Variants in TBL1XR1 observed in about 807,000 individuals in gnomAD.
TBL1XR1 encodes TBL1X/Y related 1.
A neutral mutation model predicts 66.9 loss-of-function variants in TBL1XR1; 5 were observed. The observed-to-expected ratio is 0.07, with a 90% CI of 0.04 to 0.16. The LOEUF is 0.16. Among genes scored for constraint, TBL1XR1 ranks in the 10% least tolerant of loss-of-function variants. TBL1XR1 has a pLI of 1.00. For missense variants in TBL1XR1, 238 were observed against 623.2 expected (o/e 0.38, Z 6.58); for synonymous variants, 210 against 206.0 (o/e 1.02, Z -0.17).
At chr3:177,057,629 T>G (rs1056501099) in intron 3 of TBL1XR1, among the ~76,000 whole-genome samples, 1 of 152,168 alleles carries the variant, frequency 6.6e-6, no homozygotes, top group African/African-American at 2.4e-5. Flanking sequence ...AATATATATA[T>G]GCAGAAAAAG....
At chr3:177,184,338 A>G (rs190911404) in intron 1 of TBL1XR1, among the ~76,000 whole-genome samples, 8 of 152,326 alleles carry the variant, frequency 5.3e-5, no homozygotes, top group East Asian at 1.9e-4. Flanking sequence ...GCCAAATACT[A>G]TAATTATTAA....
chr3:177,074,123 G>T (rs994234922), intron 2 of TBL1XR1, among the ~76,000 whole-genome samples: 1 of 152,168 alleles, frequency 6.6e-6, no homozygotes, highest in African/African-American at 2.4e-5. Flanking sequence ...CAAAAAATCT[G>T]AAATTCTTTA....
chr3:177,031,066 C>T (rs953067483), intron 14 of TBL1XR1, among the ~76,000 whole-genome samples: 5 of 152,098 alleles, frequency 3.3e-5, no homozygotes, highest in South Asian at 4.1e-4. Flanking sequence ...TAGCCGAGAT[C>T]GTGCCATCGC....
intron 2 of TBL1XR1, among the ~76,000 whole-genome samples, chr3:177,095,474 C>T (rs937676593): frequency 4.0e-5 from 6 of 149,898 alleles, no homozygotes; most frequent in African/African-American, 1.5e-4. Flanking sequence ...AGCTATAAAT[C>T]ATGATTAAAG....
chr3:177,072,729 A>ATAGT (rs1257488489), intron 2 of TBL1XR1, among the ~76,000 whole-genome samples: 8 of 152,208 alleles, frequency 5.3e-5, no homozygotes, highest in Non-Finnish European at 1.2e-4. Flanking sequence ...AAATGACAAT[A>ATAGT]TAGTTATTCA....
At chr3:177,111,815 T>C (rs1382655270) in intron 1 of TBL1XR1, among the ~76,000 whole-genome samples, 3 of 151,888 alleles carry the variant, frequency 2.0e-5, no homozygotes, top group East Asian at 2.0e-4. Flanking sequence ...AGGTCATTTA[T>C]TCACAGAAAG....
intron 14 of TBL1XR1, among the ~76,000 whole-genome samples, chr3:177,030,190 T>C (rs1576970010): frequency 1.3e-5 from 2 of 151,876 alleles, no homozygotes; most frequent in South Asian, 2.1e-4. Flanking sequence ...CTTTCATTCA[T>C]GTGCACAAGA....
chr3:177,071,029 C>CTTTTTTTTTTTT (rs1553825595), intron 2 of TBL1XR1, among the ~76,000 whole-genome samples: 23 of 82,946 alleles, frequency 2.8e-4, no homozygotes, highest in East Asian at 1.4e-3. Flanking sequence ...TTCTGAGAAT[C>CTTTTTTTTTTTT]TGTTTTTTTT....
At chr3:177,026,552 C>T in intron 14 of TBL1XR1, 78 bp from the exon 15 acceptor site, 11 of 1,043,054 alleles carry the variant, frequency 1.1e-5, no homozygotes, top group Non-Finnish European at 1.3e-5. Flanking sequence ...AAAAATATTA[C>T]ATAGCTTTAT....
chr3:177,031,682 T>A (rs1714026827), intron 14 of TBL1XR1, among the ~76,000 whole-genome samples: 3 of 148,838 alleles, frequency 2.0e-5, no homozygotes, highest in Admixed American at 2.0e-4. Context: ...TCCCAGCACT[T>A]TGGGAGGCTG....
Position 177,038,178 on chromosome 3 carries a change from A to G in TBL1XR1, c.1048-6T>C. 2 of 1,612,778 alleles carry G rather than the reference A, an allele frequency of 1.2e-6. No homozygotes were observed. Among genetic ancestry groups the G allele is most frequent in the Non-Finnish European group, 1.7e-6 (2 of 1,179,140 alleles). On this transcript the variant is annotated splice_polypyrimidine_tract_variant and splice_region_variant and intron_variant, in intron 11 of 15. Coordinates refer to ENST00000457928, the MANE Select transcript of TBL1XR1 (RefSeq NM_024665.7). The stretch of plus-strand genomic sequence containing the variant: ...TTGATAGCATTTACTTCATTCTAAA[A>G]ATAATAGTAAATATTCACATTTTCA...
chr3:177,177,449 C>CA (rs146265363), intron 1 of TBL1XR1, among the ~76,000 whole-genome samples: 28 of 151,526 alleles, frequency 1.8e-4, no homozygotes, highest in African/African-American at 5.6e-4. Context: ...GACTCCATCT[C>CA]AAAAAAAATA....
chr3:177,196,067 C>CA (rs777068509), intron 1 of TBL1XR1, among the ~76,000 whole-genome samples: 2 of 152,166 alleles, frequency 1.3e-5, no homozygotes, highest in Non-Finnish European at 2.9e-5. Flanking sequence ...ACATGAAATA[C>CA]ACCATTTTCA....
At chr3:177,047,217 T>A in intron 9 of TBL1XR1, 83 bp downstream of exon 9, 1 of 1,119,646 alleles carries the variant, frequency 8.9e-7, no homozygotes, top group Non-Finnish European at 1.3e-6. Context: ...GGAATGTTTA[T>A]GTAATTGGCA....
chr3:177,038,910 C>A (rs928135765), intron 10 of TBL1XR1, among the ~76,000 whole-genome samples: 3 of 152,144 alleles, frequency 2.0e-5, no homozygotes, highest in African/African-American at 7.2e-5. Flanking sequence ...TACCCTCACA[C>A]ACAAGAGTGA....
chr3:177,182,608 G>A (rs1734960121), intron 1 of TBL1XR1, among the ~76,000 whole-genome samples: 1 of 152,154 alleles, frequency 6.6e-6, no homozygotes, highest in African/African-American at 2.4e-5. Flanking sequence ...GATGCTGAGG[G>A]TCAAGATGGG....
At chr3:177,149,165 T>C (rs987913774) in intron 1 of TBL1XR1, among the ~76,000 whole-genome samples, 8 of 152,192 alleles carry the variant, frequency 5.3e-5, no homozygotes, top group South Asian at 2.1e-4. Context: ...TTCCCGGTGA[T>C]TGCAATGCGG....
chr3:177,076,558 A>G (rs1415248559), intron 2 of TBL1XR1, among the ~76,000 whole-genome samples: 3 of 152,314 alleles, frequency 2.0e-5, no homozygotes, highest in African/African-American at 7.2e-5. Context: ...TTCAATCTAT[A>G]ACAGTCACAC....
rs528868736 is a variant in TBL1XR1, at chr3:177,177,536, T to C, written c.-122+19585A>G. Among the ~76,000 whole-genome samples, 121 of 152,340 alleles carry C rather than the reference T, an allele frequency of 7.9e-4. No homozygotes were observed. The Middle Eastern group carries it at 0.01, about 13-fold the overall frequency. On this transcript the variant is annotated intron_variant, in intron 1 of 15. Transcript: ENST00000457928. The stretch of plus-strand genomic sequence containing the variant: ...GCACATTTTCAGATTGGTCCATCAA[T>C]TATCCATTTACCCGTTTTTTCTATT...
Sources: allele counts gnomAD v4.1 joint callset (sites outside exome capture counted in the v4.1 genomes callset), GRCh38; gene constraint gnomAD v4.1.1; transcripts MANE v1.5; gene names NCBI Gene and HGNC (gene_info 2026-07-23, HGNC 2026-07-21).